ZNF804A: variants seen among roughly 807,000 people sequenced by gnomAD.
ZNF804A encodes zinc finger protein 804A.
A neutral mutation model predicts 16.5 loss-of-function variants in ZNF804A; 2 were observed. That is an observed-to-expected ratio of 0.12 (90% CI 0.05 to 0.38). ZNF804A has a LOEUF of 0.38. Among genes scored for constraint, ZNF804A ranks in the 10% least tolerant of loss-of-function variants. The probability of loss-of-function intolerance (pLI) is 0.99; values close to 1 mark genes in which losing one functional copy is unlikely to be tolerated. For synonymous variants in ZNF804A, 534 were observed against 489.6 expected (o/e 1.09, Z -1.20); for missense variants, 1,473 against 1,390.7 (o/e 1.06, Z -0.94).
intron 1 of ZNF804A, among the ~76,000 whole-genome samples, chr2:184,726,530 G>A (rs1202125759): frequency 1.3e-5 from 2 of 151,426 alleles, no homozygotes; most frequent in Non-Finnish European, 3.0e-5. Flanking sequence ...CAATTGGATA[G>A]GGCTGAAACC....
chr2:184,841,279 TCAC>T (rs2105799898), intron 1 of ZNF804A, among the ~76,000 whole-genome samples: 1 of 152,330 alleles, frequency 6.6e-6, no homozygotes, highest in Non-Finnish European at 1.5e-5. Context: ...ACTTCTACTT[TCAC>T]CACAAGTAGG....
intron 1 of ZNF804A, among the ~76,000 whole-genome samples, chr2:184,725,939 T>G (rs1299696463): frequency 2.6e-5 from 4 of 151,658 alleles, no homozygotes; most frequent in Non-Finnish European, 1.5e-5. Flanking sequence ...CTGAGATACA[T>G]TTAAGGTGTT....
At chr2:184,724,396 T>C (rs1163627332) in intron 1 of ZNF804A, among the ~76,000 whole-genome samples, 1 of 151,694 alleles carries the variant, frequency 6.6e-6, no homozygotes, top group African/African-American at 2.4e-5. Context: ...ATCATGATAT[T>C]TCCCATAGGA....
At chr2:184,703,499 G>A (rs575633914) in intron 1 of ZNF804A, among the ~76,000 whole-genome samples, 3 of 151,700 alleles carry the variant, frequency 2.0e-5, no homozygotes, top group South Asian at 2.1e-4. Context: ...TCAGGAGATC[G>A]AGACCACGGT....
At chr2:184,917,728 T>C (rs1379282671) in intron 2 of ZNF804A, among the ~76,000 whole-genome samples, 1 of 151,986 alleles carries the variant, frequency 6.6e-6, no homozygotes, top group African/African-American at 2.4e-5. Context: ...TGGTATTATA[T>C]GTGGTTTTAG....
At chr2:184,626,966 T>G (rs1368178105) in intron 1 of ZNF804A, among the ~76,000 whole-genome samples, 1 of 152,186 alleles carries the variant, frequency 6.6e-6, no homozygotes, top group East Asian at 1.9e-4. Context: ...ATTGCATACT[T>G]CTTTACCCAT....
At chr2:184,745,448 A>G (rs1050574169) in intron 1 of ZNF804A, among the ~76,000 whole-genome samples, 8 of 151,696 alleles carry the variant, frequency 5.3e-5, no homozygotes, top group African/African-American at 1.9e-4. Context: ...CTATCTACTT[A>G]TGTTAGTATT....
intron 1 of ZNF804A, among the ~76,000 whole-genome samples, chr2:184,628,909 A>AT (rs1333959941): frequency 6.6e-6 from 1 of 152,158 alleles, no homozygotes; most frequent in East Asian, 1.9e-4. Flanking sequence ...CAAATAATAC[A>AT]TTTTTTACAC....
At chr2:184,787,350 C>A (rs989805811) in intron 1 of ZNF804A, among the ~76,000 whole-genome samples, 18 of 151,778 alleles carry the variant, frequency 1.2e-4, no homozygotes, top group African/African-American at 2.9e-4. Context: ...ATAATGGATT[C>A]TTTTCCTTTG....
intron 1 of ZNF804A, among the ~76,000 whole-genome samples, chr2:184,821,876 C>A (rs1455108533): frequency 6.6e-6 from 1 of 152,128 alleles, no homozygotes; most frequent in East Asian, 1.9e-4. Flanking sequence ...CATCTCACAC[C>A]AGTCACAATA....
intron 1 of ZNF804A, among the ~76,000 whole-genome samples, chr2:184,832,506 C>T (rs185419153): frequency 6.6e-6 from 1 of 152,096 alleles, no homozygotes; most frequent in Admixed American, 6.6e-5. Context: ...ATCATTAAAA[C>T]TGTTCTGGCC....
At chr2:184,892,483 CTTTTTTT>C (rs869292193) in intron 2 of ZNF804A, among the ~76,000 whole-genome samples, 22 of 105,740 alleles carry the variant, frequency 2.1e-4, no homozygotes, top group African/African-American at 7.2e-4. Flanking sequence ...TTGTTGTGTT[CTTTTTTT>C]TTTTTTTTTT....
At chr2:184,758,376 T>C (rs914829066) in intron 1 of ZNF804A, among the ~76,000 whole-genome samples, 45 of 151,370 alleles carry the variant, frequency 3.0e-4, no homozygotes, top group Non-Finnish European at 5.8e-4. Flanking sequence ...TATTTACAAG[T>C]CACTACACTA....
intron 1 of ZNF804A, among the ~76,000 whole-genome samples, chr2:184,750,601 A>G (rs922794652): frequency 2.0e-5 from 3 of 151,356 alleles, no homozygotes; most frequent in Non-Finnish European, 4.4e-5. Context: ...TAAAAATGTC[A>G]CCACAATCCA....
intron 2 of ZNF804A, among the ~76,000 whole-genome samples, chr2:184,909,176 A>T (rs994573646): frequency 2.6e-5 from 4 of 152,116 alleles, no homozygotes; most frequent in Non-Finnish European, 4.4e-5. Context: ...TTTTCAACAG[A>T]CAGCAACAAT....
At chr2:184,603,776 T>G (rs184104642) in intron 1 of ZNF804A, among the ~76,000 whole-genome samples, 6 of 152,326 alleles carry the variant, frequency 3.9e-5, no homozygotes, top group Non-Finnish European at 8.8e-5. Flanking sequence ...AATTATATAT[T>G]CTTCCAAATT....
chr2:184,636,450 TGTGA>T (rs753062061), intron 1 of ZNF804A, among the ~76,000 whole-genome samples: 2,992 of 136,854 alleles, frequency 0.022, 40 homozygotes, highest in East Asian at 0.051. Flanking sequence ...TGTGTGTGTG[TGTGA>T]GAGAGAGAGA....
At chr2:184,882,003 G>C (rs1237610879) in intron 2 of ZNF804A, among the ~76,000 whole-genome samples, 1 of 151,982 alleles carries the variant, frequency 6.6e-6, no homozygotes, top group Non-Finnish European at 1.5e-5. Flanking sequence ...TTGTAAGTTG[G>C]ATAAAAAGCA....
At chr2:184,839,645 C>T (rs968321096) in intron 1 of ZNF804A, among the ~76,000 whole-genome samples, 1 of 152,068 alleles carries the variant, frequency 6.6e-6, no homozygotes, top group Admixed American at 6.6e-5. Flanking sequence ...ATTGAACTTA[C>T]ACTTTAAAAA....
Sources: gnomAD v4.1 joint callset for allele counts (sites outside exome capture counted in the v4.1 genomes callset) on GRCh38, gnomAD v4.1.1 for gene constraint, MANE v1.5 for transcripts, NCBI Gene and HGNC (gene_info 2026-07-23, HGNC 2026-07-21) for gene names.